Variants in SPECC1 observed in about 807,000 individuals in gnomAD.
The protein encoded by SPECC1 is sperm antigen with calponin homology and coiled-coil domains 1.
SPECC1 carries 62 observed loss-of-function variants against 104.1 expected under a neutral mutation model. That is an observed-to-expected ratio of 0.60 (90% CI 0.49 to 0.74). The LOEUF (loss-of-function observed/expected upper bound fraction) is 0.74, where lower values mean the gene tolerates loss of function less well. SPECC1 is among the 30% of genes least tolerant of loss of function. SPECC1 has a pLI of 0.00. For synonymous variants in SPECC1, 513 were observed against 501.6 expected, an observed-to-expected ratio of 1.02 and a Z score of -0.30; for missense variants, 1,306 against 1,310.5, an observed-to-expected ratio of 1.00 and a Z score of 0.05.
chr17:20,155,342 C>T (rs185725836), intron 3 of SPECC1: 1 of 152,218 alleles, frequency 6.6e-6, no homozygotes, highest in East Asian at 1.9e-4. Context: ...AAGTGATGCA[C>T]GAGATAGAAC....
intron 2 of SPECC1, among the ~76,000 whole-genome samples, chr17:20,108,710 T>A (rs1488823421): frequency 2.0e-5 from 3 of 152,248 alleles, no homozygotes; most frequent in African/African-American, 7.2e-5. Flanking sequence ...ATCCTCTCTG[T>A]TGAAGGACAT....
At chr17:20,170,565 T>TGTC (rs1330477752) in intron 3 of SPECC1, among the ~76,000 whole-genome samples, 3 of 152,200 alleles carry the variant, frequency 2.0e-5, no homozygotes, top group African/African-American at 7.2e-5. Context: ...CCCACCCTAC[T>TGTC]GTCTCCTTTC....
chr17:20,133,229 T>C (rs2049748789), intron 3 of SPECC1, among the ~76,000 whole-genome samples: 1 of 152,162 alleles, frequency 6.6e-6, no homozygotes, highest in Admixed American at 6.5e-5. Context: ...CTCTATTTTT[T>C]TTTCCCATTT....
chr17:20,254,086 C>T (rs1338439280), intron 10 of SPECC1, among the ~76,000 whole-genome samples: 1 of 151,358 alleles, frequency 6.6e-6, no homozygotes, highest in Non-Finnish European at 1.5e-5. Context: ...AAATTTGCCC[C>T]TTTAAAGGTA....
intron 3 of SPECC1, among the ~76,000 whole-genome samples, chr17:20,198,026 T>G (rs2036151509): frequency 6.6e-6 from 1 of 152,182 alleles, no homozygotes; most frequent in East Asian, 1.9e-4. Context: ...ATGCCAGGCT[T>G]CTGGGTTCCC....
At chr17:20,241,091 A>G (rs1370631984) in intron 7 of SPECC1, among the ~76,000 whole-genome samples, 1 of 152,182 alleles carries the variant, frequency 6.6e-6, no homozygotes, top group African/African-American at 2.4e-5. Flanking sequence ...TCTTCTTCTC[A>G]TGACTTAAAC....
Position 20,291,285 on chromosome 17 carries a change from G to A in SPECC1, c.2941-5676G>A, listed in dbSNP as rs115183572. 1.7e-3 allele frequency among the ~76,000 whole-genome samples: 253 copies of A among 152,264 alleles called. 1 individual carries two copies. Among genetic ancestry groups the A allele is most frequent in the African/African-American group, 5.9e-3 (245 of 41,558 alleles). Reference sequence around the variant, plus strand: ...CTCAGCCTTTCCTTTCACTCTTGTCGAAGACATGAATTGAGCAAGCTGCAG... The same window carrying A: ...CTCAGCCTTTCCTTTCACTCTTGTCAAAGACATGAATTGAGCAAGCTGCAG... On this transcript the variant is annotated intron_variant, in intron 12 of 14. Transcript: ENST00000395527.
At chr17:20,104,111 C>T (rs371712027) in intron 2 of SPECC1, among the ~76,000 whole-genome samples, 3 of 152,126 alleles carry the variant, frequency 2.0e-5, no homozygotes, top group African/African-American at 7.2e-5. Context: ...GTGGAGGTTA[C>T]AATCAGTTGG....
chr17:20,291,358 A>T (rs1378502202), intron 12 of SPECC1, among the ~76,000 whole-genome samples: 1 of 152,216 alleles, frequency 6.6e-6, no homozygotes, highest in Non-Finnish European at 1.5e-5. Context: ...CAAATGGGAC[A>T]TGTGCTTCAG....
At chr17:20,183,425 G>T (rs533608155) in intron 3 of SPECC1, among the ~76,000 whole-genome samples, 3 of 152,158 alleles carry the variant, frequency 2.0e-5, no homozygotes, top group Non-Finnish European at 4.4e-5. Context: ...GCTAATTGCA[G>T]TACTTTTTTT....
intron 1 of SPECC1, among the ~76,000 whole-genome samples, chr17:20,044,253 G>A (rs2152455858): frequency 6.6e-6 from 1 of 152,126 alleles, no homozygotes; most frequent in South Asian, 2.1e-4. Context: ...GCTTCAGCAT[G>A]CTAAAAAAAA....
intron 12 of SPECC1, among the ~76,000 whole-genome samples, chr17:20,271,255 C>T (rs899826586): frequency 6.6e-5 from 10 of 151,976 alleles, no homozygotes; most frequent in African/African-American, 2.4e-4. Flanking sequence ...CTGACTAGCA[C>T]GTTTATCAAC....
chr17:20,098,979 C>T (rs543557624), intron 2 of SPECC1, among the ~76,000 whole-genome samples: 2 of 152,156 alleles, frequency 1.3e-5, no homozygotes, highest in Non-Finnish European at 2.9e-5. Context: ...TCTGATGGAA[C>T]AAGAGGAGCT....
At chr17:20,085,745 A>C (rs1414080087) in intron 1 of SPECC1, among the ~76,000 whole-genome samples, 3 of 152,240 alleles carry the variant, frequency 2.0e-5, no homozygotes, top group Non-Finnish European at 4.4e-5. Context: ...ATTTAACTTA[A>C]TCTGGCAACA....
At chr17:20,291,138 C>T (rs1440000462) in intron 12 of SPECC1, among the ~76,000 whole-genome samples, 2 of 152,192 alleles carry the variant, frequency 1.3e-5, no homozygotes, top group Admixed American at 6.5e-5. Context: ...GTGCCATCCA[C>T]CCCAGAGTCT....
chr17:20,244,243 G>A (rs2039327548), intron 7 of SPECC1, among the ~76,000 whole-genome samples: 1 of 152,016 alleles, frequency 6.6e-6, no homozygotes, highest in Admixed American at 6.6e-5. Flanking sequence ...CAAAAAAAAG[G>A]TGGCCCATTT....
At chr17:20,238,430 T>G in intron 7 of SPECC1, 2 of 1,042,120 alleles carry the variant, frequency 1.9e-6, no homozygotes, top group Non-Finnish European at 2.3e-6. Context: ...CATGAGGAAC[T>G]GGTTCACAGT....
chr17:20,115,494 T>TAAAA (rs1446724718), intron 3 of SPECC1, among the ~76,000 whole-genome samples: 1 of 151,098 alleles, frequency 6.6e-6, no homozygotes, highest in South Asian at 2.1e-4. Context: ...AATAAATAAA[T>TAAAA]AAAAATAAAA....
At chr17:20,071,063 C>G (rs1032832590) in intron 1 of SPECC1, among the ~76,000 whole-genome samples, 3 of 152,050 alleles carry the variant, frequency 2.0e-5, no homozygotes, top group Non-Finnish European at 2.9e-5. Context: ...CTGTGTTGCC[C>G]AGGCTGGAGT....
Sources: gnomAD v4.1 joint callset for allele counts (sites outside exome capture counted in the v4.1 genomes callset) on GRCh38, gnomAD v4.1.1 for gene constraint, MANE v1.5 for transcripts, NCBI Gene and HGNC (gene_info 2026-07-23, HGNC 2026-07-21) for gene names.